PRCP: variants seen among roughly 807,000 people sequenced by gnomAD.
PRCP encodes prolylcarboxypeptidase.
A neutral mutation model predicts 54.2 loss-of-function variants in PRCP; 46 were observed. That is an observed-to-expected ratio of 0.85 (90% CI 0.67 to 1.09). PRCP has a LOEUF of 1.09. Ranked by LOEUF, PRCP falls within the 50% of genes least tolerant of loss-of-function variation. The pLI, the probability that PRCP is intolerant of heterozygous loss-of-function variation, is 0.00. For synonymous variants in PRCP, 240 were observed against 212.2 expected, an observed-to-expected ratio of 1.13 and a Z score of -1.14; for missense variants, 613 against 596.8, an observed-to-expected ratio of 1.03 and a Z score of -0.28.
At chr11:82,877,499 T>C in intron 1 of PRCP, among the ~76,000 whole-genome samples, 1 of 152,146 alleles carries the variant, frequency 6.6e-6, no homozygotes, top group East Asian at 1.9e-4. Context: ...CCATGCTGTG[T>C]GCAGCCTAGG....
rs753533637 is a variant in PRCP, at chr11:82,845,109, CAGAA to C, written c.921+3936_921+3939del. 4.5e-4 allele frequency among the ~76,000 whole-genome samples: 67 copies of C among 149,614 alleles called. 1 individual carries two copies. Among genetic ancestry groups the C allele is most frequent in the Non-Finnish European group, 8.7e-4 (59 of 67,574 alleles). On this transcript the variant is annotated intron_variant, in intron 6 of 8. Coordinates refer to ENST00000313010, the MANE Select transcript of PRCP (RefSeq NM_005040.4). ...AGAATAAAGATGAACATTCAGGAAA[CAGAA>C]AGAGCATTAGAAAGTCCATTTTACT...
At chr11:82,864,971 G>C (rs571262419) in intron 1 of PRCP, among the ~76,000 whole-genome samples, 3 of 152,258 alleles carry the variant, frequency 2.0e-5, no homozygotes, top group South Asian at 4.2e-4. Flanking sequence ...GGGGACAGCG[G>C]GGGTGGGAGA....
intron 8 of PRCP, among the ~76,000 whole-genome samples, chr11:82,833,750 G>A (rs942291244): frequency 6.6e-6 from 1 of 152,188 alleles, no homozygotes; most frequent in Non-Finnish European, 1.5e-5. Context: ...ACTTTATGGG[G>A]TGAGTGGTAT....
At chr11:82,846,810 G>A (rs566488041) in intron 6 of PRCP, among the ~76,000 whole-genome samples, 8 of 152,238 alleles carry the variant, frequency 5.3e-5, no homozygotes, top group African/African-American at 1.9e-4. Context: ...ATCCCAAAAT[G>A]AACATTAAAG....
chr11:82,865,495 C>T (rs555124721), intron 1 of PRCP, among the ~76,000 whole-genome samples: 24 of 152,222 alleles, frequency 1.6e-4, no homozygotes, highest in Non-Finnish European at 3.2e-4. Flanking sequence ...ATCACATTGG[C>T]TCCTTCTTGG....
chr11:82,858,285 A>G (rs1177357751), intron 2 of PRCP: 2 of 152,260 alleles, frequency 1.3e-5, no homozygotes, highest in Non-Finnish European at 2.9e-5. Context: ...AAACTTACCT[A>G]AAGTCACACA....
intron 3 of PRCP, 31 bp downstream of exon 3, chr11:82,853,146 C>G (rs1858997822): frequency 6.7e-7 from 1 of 1,494,450 alleles, no homozygotes; most frequent in African/African-American, 1.4e-5. Context: ...AAAGAAAAAG[C>G]TTGTAACTTT....
intron 8 of PRCP, chr11:82,836,765 C>G (rs1458068992): frequency 4.3e-6 from 1 of 231,382 alleles, no homozygotes; most frequent in Non-Finnish European, 8.7e-6. Context: ...CCAGAATGGT[C>G]TCAAACTCCT....
intron 1 of PRCP, among the ~76,000 whole-genome samples, chr11:82,876,394 G>A (rs10898048): frequency 0.13 from 19,827 of 152,164 alleles, 1,364 homozygotes; most frequent in Middle Eastern, 0.19. Flanking sequence ...TTATACTGTG[G>A]TATTAAACAA....
chr11:82,872,598 C>T (rs1264316088), intron 1 of PRCP, among the ~76,000 whole-genome samples: 1 of 152,162 alleles, frequency 6.6e-6, no homozygotes, highest in Non-Finnish European at 1.5e-5. Flanking sequence ...CAAGGACTGC[C>T]AACAGCCAGC....
intron 1 of PRCP, among the ~76,000 whole-genome samples, chr11:82,874,064 G>C (rs1265115383): frequency 6.6e-6 from 1 of 152,104 alleles, no homozygotes; most frequent in East Asian, 1.9e-4. Context: ...TGATAATGGC[G>C]CTGTAAAAAA....
chr11:82,865,532 A>T lies in PRCP; in HGVS notation c.169-5415T>A, dbSNP rs118045237. 4.6e-3 allele frequency among the ~76,000 whole-genome samples: 708 copies of T among 152,328 alleles called. 24 individuals are homozygous for T. The highest frequency in any genetic ancestry group is 0.027 in the Admixed American group (417 of 15,300). On this transcript the variant is annotated intron_variant, in intron 1 of 8. Transcript: ENST00000313010. ...AGCCTTCGGTTTTAGAAAATTCAGTATGCAGTTGGATTTATTCAGGCACCC... is the reference window on the plus strand; with the variant it reads ...AGCCTTCGGTTTTAGAAAATTCAGTTTGCAGTTGGATTTATTCAGGCACCC...
chr11:82,831,534 G>A (rs1386159162), intron 8 of PRCP: 1 of 152,054 alleles, frequency 6.6e-6, no homozygotes, highest in Non-Finnish European at 1.5e-5. Flanking sequence ...CTAATTCAGG[G>A]AAGAAGAAAA....
intron 1 of PRCP, among the ~76,000 whole-genome samples, chr11:82,894,929 A>C (rs1265805530): frequency 6.6e-6 from 1 of 152,186 alleles, no homozygotes; most frequent in East Asian, 1.9e-4. Flanking sequence ...ATAGTTTCAT[A>C]TGCTTCTTTT....
intron 2 of PRCP, among the ~76,000 whole-genome samples, chr11:82,854,970 T>C (rs893694282): frequency 1.4e-4 from 21 of 152,208 alleles, no homozygotes; most frequent in Admixed American, 1.2e-3. Flanking sequence ...GCTAGCCATA[T>C]GCAGAAGATT....
intron 1 of PRCP, among the ~76,000 whole-genome samples, chr11:82,893,031 G>C (rs1860039445): frequency 6.6e-6 from 1 of 152,162 alleles, no homozygotes; most frequent in Non-Finnish European, 1.5e-5. Context: ...GTCTGTCTAG[G>C]CACTACAAAG....
intron 1 of PRCP, among the ~76,000 whole-genome samples, chr11:82,880,017 C>CA (rs1859706326): frequency 6.6e-6 from 1 of 152,216 alleles, no homozygotes; most frequent in Non-Finnish European, 1.5e-5. Flanking sequence ...TGTCCATTCT[C>CA]AGATCTCAAA....
At chr11:82,876,196 C>T (rs1859599276) in intron 1 of PRCP, among the ~76,000 whole-genome samples, 1 of 152,184 alleles carries the variant, frequency 6.6e-6, no homozygotes, top group Non-Finnish European at 1.5e-5. Context: ...GCTCTGTAGC[C>T]TGAAAGTCCC....
intron 8 of PRCP, chr11:82,828,082 A>T (rs1239137755): frequency 6.6e-6 from 1 of 152,166 alleles, no homozygotes; most frequent in Non-Finnish European, 1.5e-5. Flanking sequence ...AGCCTTTCAC[A>T]TTTGTTCATT....
Sources: gnomAD v4.1 joint callset for allele counts (sites outside exome capture counted in the v4.1 genomes callset) on GRCh38, gnomAD v4.1.1 for gene constraint, MANE v1.5 for transcripts, NCBI Gene and HGNC (gene_info 2026-07-23, HGNC 2026-07-21) for gene names.